LINGO2: variants seen among roughly 807,000 people sequenced by gnomAD.
The protein encoded by LINGO2 is leucine rich repeat and Ig domain containing 2.
A neutral mutation model predicts 30.6 loss-of-function variants in LINGO2; 14 were observed. The observed-to-expected ratio is 0.46, with a 90% confidence interval of 0.30 to 0.72. The LOEUF is 0.72. LINGO2 is among the 30% of genes least tolerant of loss of function. The pLI is 0.07. For missense variants in LINGO2, 729 were observed against 751.7 expected (o/e 0.97, Z 0.35); for synonymous variants, 317 against 288.5 (o/e 1.10, Z -1.00).
At chr9:28,286,166 G>A (rs1301405920) in intron 4 of LINGO2, among the ~76,000 whole-genome samples, 2 of 152,118 alleles carry the variant, frequency 1.3e-5, no homozygotes, top group Admixed American at 1.3e-4. Flanking sequence ...AACCATGAGA[G>A]GATAAAGTAG....
At chr9:29,133,785 T>C in the LINGO2 span, among the ~76,000 whole-genome samples, 3 of 152,086 alleles carry the variant, frequency 2.0e-5, no homozygotes, top group African/African-American at 7.2e-5. Flanking sequence ...GCAACATAAA[T>C]AGGTGTTTTT....
chr9:27,967,010 A>G (rs1379719859), intron 5 of LINGO2, among the ~76,000 whole-genome samples: 2 of 152,146 alleles, frequency 1.3e-5, no homozygotes, highest in Non-Finnish European at 2.9e-5. Flanking sequence ...AAGTGTGGAT[A>G]TTCTTGAACA....
At chr9:28,761,615 A>G in the LINGO2 span, among the ~76,000 whole-genome samples, 1 of 151,972 alleles carries the variant, frequency 6.6e-6, no homozygotes, top group Admixed American at 6.6e-5. Context: ...GCTTAATATG[A>G]TCAAAATAAA....
intron 3 of LINGO2, among the ~76,000 whole-genome samples, chr9:28,311,717 T>C (rs1824628636): frequency 2.0e-5 from 3 of 152,190 alleles, no homozygotes; most frequent in Admixed American, 2.0e-4. Flanking sequence ...GGTGCCCAGA[T>C]TTCATATTGT....
the LINGO2 span, among the ~76,000 whole-genome samples, chr9:28,995,314 A>T: frequency 1.3e-5 from 2 of 152,340 alleles, no homozygotes; most frequent in East Asian, 3.9e-4. Flanking sequence ...TCAAAACCAC[A>T]ATGAGATACC....
In LINGO2 at chr9:28,316,004, T is replaced by G. The variant is rs896630663; in HGVS notation, c.-245-20638A>C. On this transcript the variant is annotated intron_variant, in intron 3 of 5. Coordinates refer to ENST00000379992, the Ensembl canonical transcript of LINGO2. ...CTTACCTATGTGATTGTTGGCCAAG[T>G]CTCTAAACCTTTCTTTCCCTCAAGT... Among the ~76,000 whole-genome samples the G allele has an allele frequency of 1.1e-3, 169 of 152,156 alleles. 4 individuals are homozygous for G. Among genetic ancestry groups the G allele is most frequent in the Non-Finnish European group, 2.4e-4 (16 of 68,006 alleles).
chr9:28,001,061 G>A (rs770863677), intron 5 of LINGO2, among the ~76,000 whole-genome samples: 2 of 152,102 alleles, frequency 1.3e-5, no homozygotes, highest in Non-Finnish European at 2.9e-5. Flanking sequence ...ATCTGTTTGG[G>A]ATCTATAATC....
At chr9:28,257,010 T>C (rs368277851) in intron 4 of LINGO2, among the ~76,000 whole-genome samples, 6 of 151,974 alleles carry the variant, frequency 3.9e-5, no homozygotes, top group African/African-American at 9.6e-5. Flanking sequence ...ATAAACATAA[T>C]TGCTAATTGC....
the LINGO2 span, among the ~76,000 whole-genome samples, chr9:28,799,925 G>A: frequency 1.3e-4 from 20 of 152,052 alleles, no homozygotes; most frequent in African/African-American, 4.8e-4. Flanking sequence ...GTAAGCTGAT[G>A]AGGAAATAAG....
chr9:28,150,420 C>G (rs1469062682), intron 4 of LINGO2, among the ~76,000 whole-genome samples: 1 of 152,202 alleles, frequency 6.6e-6, no homozygotes, highest in Non-Finnish European at 1.5e-5. Flanking sequence ...TCCGTCTCTA[C>G]TGAAAATACA....
the LINGO2 span, among the ~76,000 whole-genome samples, chr9:28,952,129 C>CAGT: frequency 1.3e-5 from 2 of 152,002 alleles, no homozygotes; most frequent in African/African-American, 4.8e-5. Context: ...AGACCCACAA[C>CAGT]AGTAGGTGGC....
At chr9:28,436,013 G>A (rs1011525680) in intron 2 of LINGO2, among the ~76,000 whole-genome samples, 2 of 152,112 alleles carry the variant, frequency 1.3e-5, no homozygotes, top group African/African-American at 4.8e-5. Context: ...GCAGTGATCC[G>A]CAATAGAAAG....
chr9:29,113,456 G>A, the LINGO2 span, among the ~76,000 whole-genome samples: 1 of 151,940 alleles, frequency 6.6e-6, no homozygotes, highest in East Asian at 2.0e-4. Flanking sequence ...GACCATCCAT[G>A]TCAATTTTGG....
the LINGO2 span, among the ~76,000 whole-genome samples, chr9:28,815,741 C>T: frequency 6.6e-6 from 1 of 152,032 alleles, no homozygotes; most frequent in African/African-American, 2.4e-5. Flanking sequence ...ATTAATATTC[C>T]CAGCACTCTT....
the LINGO2 span, among the ~76,000 whole-genome samples, chr9:28,728,240 C>A: frequency 1.3e-5 from 2 of 152,068 alleles, no homozygotes. Context: ...AAAACCACAA[C>A]CCCCTCCCCT....
chr9:28,991,247 C>A, the LINGO2 span, among the ~76,000 whole-genome samples: 35 of 151,350 alleles, frequency 2.3e-4, no homozygotes, highest in East Asian at 4.3e-3. Context: ...ACGCGATCAA[C>A]TGGAAGAAAG....
At chr9:28,308,458 G>A (rs1824463818) in intron 3 of LINGO2, among the ~76,000 whole-genome samples, 2 of 145,362 alleles carry the variant, frequency 1.4e-5, no homozygotes, top group Non-Finnish European at 3.0e-5. Flanking sequence ...TTAAATGTTA[G>A]ACCTAAAACC....
Position 27,966,404 on chromosome 9 carries a change from G to C in LINGO2, c.-35-15698C>G, listed in dbSNP as rs1010601717. Among the ~76,000 whole-genome samples the C allele has an allele frequency of 3.3e-5, 5 of 152,142 alleles. No homozygotes were observed. In the South Asian group the frequency reaches 1.0e-3, roughly 31 times the overall value. On this transcript the variant is annotated intron_variant, in intron 5 of 5. Transcript: ENST00000379992. Reference sequence around the variant, plus strand: ...ACTATGCAGCCATAAAAAAGAATCAGTTAACGTCCTTTGCAGGGACATGGA... The same window carrying C: ...ACTATGCAGCCATAAAAAAGAATCACTTAACGTCCTTTGCAGGGACATGGA...
intron 1 of LINGO2, among the ~76,000 whole-genome samples, chr9:28,611,916 G>A (rs1407245473): frequency 1.3e-5 from 2 of 151,932 alleles, no homozygotes; most frequent in Admixed American, 1.3e-4. Flanking sequence ...CGCCTCCCGG[G>A]TTCACACCAT....
Sources: gnomAD v4.1 joint callset for allele counts (sites outside exome capture counted in the v4.1 genomes callset) on GRCh38, gnomAD v4.1.1 for gene constraint, MANE v1.5 for transcripts, NCBI Gene and HGNC (gene_info 2026-07-23, HGNC 2026-07-21) for gene names.